CDC25C: variants seen among roughly 807,000 people sequenced by gnomAD.
The protein encoded by CDC25C is cell division cycle 25C, also known as M-phase inducer phosphatase 3.
In CDC25C, 48 loss-of-function variants were observed where a neutral mutation model predicts 52.5. The observed-to-expected ratio is 0.91, with a 90% CI of 0.72 to 1.16. The LOEUF (loss-of-function observed/expected upper bound fraction) is 1.16. Ranked by LOEUF, CDC25C falls within the 50% of genes most tolerant of loss-of-function variation. The pLI is 0.00. For synonymous variants in CDC25C, 187 were observed against 206.5 expected (o/e 0.91, Z 0.81); for missense variants, 510 against 566.1 (o/e 0.90, Z 1.01).
intron 7 of CDC25C, among the ~76,000 whole-genome samples, chr5:138,302,663 C>T (rs1357661576): frequency 1.3e-5 from 2 of 151,514 alleles, no homozygotes; most frequent in East Asian, 3.9e-4. Flanking sequence ...TGCACCATTG[C>T]ACTCCAGCCT....
In CDC25C at chr5:138,326,027, A is replaced by T; in HGVS notation, c.363T>A (p.Cys121Ter). 6.2e-7 allele frequency: 1 copy of T among 1,614,248 alleles called. No individual in the cohort carries two copies. Among genetic ancestry groups the T allele is most frequent in the Non-Finnish European group, 8.5e-7 (1 of 1,180,044 alleles). ...AAAAAGAGAGGCTACTCACTGGGCT[A>T]CATTTCATTAGGTGCTGGTCATGAT... The part of the protein sequence containing the change: ...GMNHDQHLMK[C>*]SPAQLLCSTP... The change falls in exon 5 of 14, where the codon TGT becomes TGA. Residue 121 changes from cysteine to a stop codon, truncating the protein, a stop_gained. Transcript: ENST00000323760. LOFTEE classifies it high-confidence loss of function.
intron 7 of CDC25C, among the ~76,000 whole-genome samples, chr5:138,303,863 AAATG>A (rs913402870): frequency 2.6e-5 from 4 of 152,166 alleles, no homozygotes; most frequent in African/African-American, 7.2e-5. Flanking sequence ...ATTAGTGAAT[AAATG>A]AATGAATGAA....
At chr5:138,329,491 T>C (rs765106295) in intron 3 of CDC25C, 62 bp downstream of exon 3, 26 of 1,042,278 alleles carry the variant, frequency 2.5e-5, no homozygotes, top group Non-Finnish European at 3.8e-5. Flanking sequence ...CTATCCTCCT[T>C]CCCTGTTTTC....
chr5:138,305,095 C>T (rs529230812), intron 7 of CDC25C, among the ~76,000 whole-genome samples: 60 of 152,296 alleles, frequency 3.9e-4, no homozygotes, highest in Middle Eastern at 3.4e-3. Flanking sequence ...GTACCTGCAA[C>T]ATTCCTTCTT....
At chr5:138,296,804 A>G (rs1188820699) in intron 7 of CDC25C, among the ~76,000 whole-genome samples, 8 of 148,730 alleles carry the variant, frequency 5.4e-5, no homozygotes, top group Non-Finnish European at 1.0e-4. Context: ...ACGGGGTTTC[A>G]CCGTGTTAGC....
chr5:138,336,425 G>A (rs1346322969), upstream of CDC25C, among the ~76,000 whole-genome samples: 1 of 152,050 alleles, frequency 6.6e-6, no homozygotes, highest in African/African-American at 2.4e-5. Flanking sequence ...GAGACACCAC[G>A]CCAATCCCAG....
At chr5:138,292,986 T>C (rs1347200112) in intron 7 of CDC25C, among the ~76,000 whole-genome samples, 1 of 152,212 alleles carries the variant, frequency 6.6e-6, no homozygotes, top group Non-Finnish European at 1.5e-5. Flanking sequence ...AGGGGGGCTA[T>C]ACAATAAGAG....
rs1433612860 is a variant in CDC25C at position 138,321,700 on chromosome 5, T to G, written c.460-2326A>C. Among the ~76,000 whole-genome samples the G allele has an allele frequency of 2.4e-5, 3 of 125,250 alleles. No homozygotes were observed. The East Asian group carries it at 7.4e-4, about 31-fold the overall frequency. 82.2% of individuals were successfully genotyped at this position (125,250 alleles called of 152,430 possible). On this transcript the variant is annotated intron_variant, in intron 6 of 13. Transcript: ENST00000323760. ...CCAGGAGGCAGAGGTTGCAGTGAGC[T>G]GAGATCGCACCACTGCACTCCAGCC...
At chr5:138,333,147 C>T (rs1329294112), upstream of CDC25C, among the ~76,000 whole-genome samples, 1 of 152,124 alleles carries the variant, frequency 6.6e-6, no homozygotes, top group Non-Finnish European at 1.5e-5. Flanking sequence ...TTACCCCATA[C>T]TTCTTACTTC....
chr5:138,310,574 T>G (rs889113634), intron 7 of CDC25C, among the ~76,000 whole-genome samples: 1 of 152,224 alleles, frequency 6.6e-6, no homozygotes, highest in African/African-American at 2.4e-5. Context: ...ACAATAATAG[T>G]TAAGTACTAT....
upstream of CDC25C, among the ~76,000 whole-genome samples, chr5:138,334,368 C>CT (rs989312345): frequency 2.4e-3 from 357 of 148,010 alleles, 2 homozygotes; most frequent in African/African-American, 5.0e-3. Context: ...AACAAAAAAA[C>CT]TTTTTTTTTT....
chr5:138,302,971 TAGGCAAG>T (rs1757746836), intron 7 of CDC25C, among the ~76,000 whole-genome samples: 1 of 150,664 alleles, frequency 6.6e-6, no homozygotes, highest in African/African-American at 2.4e-5. Context: ...TGGGGAGGCA[TAGGCAAG>T]AGGATCTCTT....
intron 7 of CDC25C, among the ~76,000 whole-genome samples, chr5:138,294,947 C>T (rs995584584): frequency 6.6e-6 from 1 of 152,186 alleles, no homozygotes; most frequent in South Asian, 2.1e-4. Context: ...CTGTGCCAGG[C>T]CTTTCTTCAG....
chr5:138,286,868 G>A (rs556722993), intron 11 of CDC25C, among the ~76,000 whole-genome samples: 33 of 152,264 alleles, frequency 2.2e-4, no homozygotes, highest in African/African-American at 6.5e-4. Context: ...AGATCACTGC[G>A]AGGAATGTTC....
chr5:138,338,131 C>T, exon 1 of CDC25C: 4 of 1,289,810 alleles, frequency 3.1e-6, no homozygotes, highest in Non-Finnish European at 3.0e-6. Flanking sequence ...TTGAGAGAGA[C>T]ACGACACGGA....
chr5:138,336,001 C>A (rs1179997418), upstream of CDC25C, among the ~76,000 whole-genome samples: 1 of 151,814 alleles, frequency 6.6e-6, no homozygotes, highest in South Asian at 2.1e-4. Flanking sequence ...ACTTCTTGGG[C>A]TGTTTCATTT....
At chr5:138,296,168 C>T (rs1420501500) in intron 7 of CDC25C, among the ~76,000 whole-genome samples, 2 of 152,096 alleles carry the variant, frequency 1.3e-5, no homozygotes, top group African/African-American at 4.8e-5. Context: ...TGTCGGCTTC[C>T]GTTAAGTTAG....
At chr5:138,336,700 A>T (rs547843911), upstream of CDC25C, 3 of 152,160 alleles carry the variant, frequency 2.0e-5, no homozygotes, top group East Asian at 5.8e-4. Context: ...AAAAAAAAAA[A>T]TGTAGCATGG....
chr5:138,313,995 C>CTTTCTTTCTTTT (rs1554117939), intron 7 of CDC25C, among the ~76,000 whole-genome samples: 8 of 112,660 alleles, frequency 7.1e-5, no homozygotes, highest in Admixed American at 2.0e-4. Flanking sequence ...TTCTTTCTTT[C>CTTTCTTTCTTTT]TTTTTTTTTT....
Sources: allele counts gnomAD v4.1 joint callset (sites outside exome capture counted in the v4.1 genomes callset), GRCh38; gene constraint gnomAD v4.1.1; transcripts MANE v1.5; gene names NCBI Gene and HGNC (gene_info 2026-07-23, HGNC 2026-07-21).